RALYL: variants seen among roughly 807,000 people sequenced by gnomAD.
The protein encoded by RALYL is RALY RNA binding protein like.
Under a neutral mutation model 35.1 loss-of-function variants are expected in RALYL, and 29 were observed. The observed-to-expected ratio is 0.83, with a 90% confidence interval of 0.61 to 1.13. The LOEUF (loss-of-function observed/expected upper bound fraction) is 1.13, where lower values mean the gene tolerates loss of function less well. Ranked by LOEUF, RALYL falls within the 50% of genes most tolerant of loss-of-function variation. The pLI is 0.00. For missense variants in RALYL, 359 were observed against 360.4 expected, an observed-to-expected ratio of 1.00 and a Z score of 0.03; for synonymous variants, 120 against 127.6, an observed-to-expected ratio of 0.94 and a Z score of 0.40.
chr8:84,786,488 C>G (rs1020249645), intron 3 of RALYL, among the ~76,000 whole-genome samples: 8 of 152,098 alleles, frequency 5.3e-5, no homozygotes, highest in African/African-American at 1.9e-4. Context: ...TCGCCAGCAT[C>G]TGTTGTTTCT....
chr8:84,427,284 T>A lies in RALYL; in HGVS notation c.-23-102015T>A, dbSNP rs575275243. On this transcript the variant is annotated intron_variant, in intron 1 of 8. Coordinates refer to ENST00000521268, the MANE Select transcript of RALYL (RefSeq NM_173848.7). ...ACTTCCAGCTTCTCCCCTCAGGCCC[T>A]CCAGTCCATTCTCCACACTGCTTCC... Among the ~76,000 whole-genome samples the A allele has an allele frequency of 2.6e-3, 400 of 152,262 alleles. 1 individual carries two copies. The highest frequency in any genetic ancestry group is 4.8e-3 in the Non-Finnish European group (326 of 68,006).
chr8:84,793,483 A>G (rs1563617556), intron 3 of RALYL, among the ~76,000 whole-genome samples: 1 of 152,230 alleles, frequency 6.6e-6, no homozygotes, highest in Non-Finnish European at 1.5e-5. Flanking sequence ...AAGACTTTGA[A>G]TCCATCGGGT....
At chr8:84,582,618 A>T (rs1316703350) in intron 2 of RALYL, among the ~76,000 whole-genome samples, 1 of 152,016 alleles carries the variant, frequency 6.6e-6, no homozygotes, top group Non-Finnish European at 1.5e-5. Context: ...ATCTTCTTAC[A>T]TATGGTTCAC....
chr8:84,291,426 GA>G (rs1411606289), intron 1 of RALYL, among the ~76,000 whole-genome samples: 1 of 152,124 alleles, frequency 6.6e-6, no homozygotes, highest in Non-Finnish European at 1.5e-5. Flanking sequence ...TGGGCATTTA[GA>G]AAATCTTAAA....
chr8:84,418,689 A>G (rs7010781), intron 1 of RALYL, among the ~76,000 whole-genome samples: 56,478 of 152,010 alleles, frequency 0.37, 10,969 homozygotes, highest in South Asian at 0.59. Context: ...TAGAGATTAT[A>G]AACTCCAAAC....
At position 84,601,379 on chromosome 8, in the gene RALYL, C is replaced by G. The variant is rs141972605; in HGVS notation, c.256+71802C>G. Among the ~76,000 whole-genome samples the G allele has an allele frequency of 1.5e-3, 228 of 152,102 alleles. 1 individual carries two copies. The highest frequency in any genetic ancestry group is 5.3e-3 in the African/African-American group (219 of 41,500). On this transcript the variant is annotated intron_variant, in intron 2 of 8. Transcript: ENST00000521268. ...AAGCAAAGACAGAGAAAGAGAAAAT[C>G]AAAAATGTACTTAACAGTGGGGCAG... is the stretch of plus-strand genomic sequence containing the variant.
intron 1 of RALYL, among the ~76,000 whole-genome samples, chr8:84,407,704 T>C (rs2043681497): frequency 6.6e-6 from 1 of 152,110 alleles, no homozygotes; most frequent in African/African-American, 2.4e-5. Flanking sequence ...GAAAAAGAAA[T>C]TATAAATGAA....
At chr8:84,399,099 A>G (rs1407322930) in intron 1 of RALYL, among the ~76,000 whole-genome samples, 1 of 152,190 alleles carries the variant, frequency 6.6e-6, no homozygotes, top group East Asian at 1.9e-4. Context: ...TTATGAAATT[A>G]TGCCCAGGTA....
intron 2 of RALYL, among the ~76,000 whole-genome samples, chr8:84,709,727 T>G (rs761738661): frequency 2.0e-5 from 3 of 152,136 alleles, no homozygotes; most frequent in Non-Finnish European, 4.4e-5. Flanking sequence ...CACTACTTTC[T>G]TCTCTTCCTG....
intron 2 of RALYL, among the ~76,000 whole-genome samples, chr8:84,553,028 T>C (rs2060855141): frequency 6.6e-6 from 1 of 152,170 alleles, no homozygotes; most frequent in African/African-American, 2.4e-5. Context: ...GGAAATCTTA[T>C]GCAATTATAT....
intron 1 of RALYL, among the ~76,000 whole-genome samples, chr8:84,306,799 G>A (rs947131588): frequency 6.6e-6 from 1 of 152,154 alleles, no homozygotes; most frequent in Non-Finnish European, 1.5e-5. Flanking sequence ...TACAAAGGCA[G>A]AATCTTCATC....
intron 2 of RALYL, among the ~76,000 whole-genome samples, chr8:84,767,538 G>A (rs1484458089): frequency 6.6e-6 from 1 of 152,032 alleles, no homozygotes; most frequent in African/African-American, 2.4e-5. Context: ...AGAATGAGAT[G>A]GGTCTATTCT....
intron 2 of RALYL, among the ~76,000 whole-genome samples, chr8:84,638,875 T>A (rs1230971752): frequency 5.2e-5 from 1 of 19,258 alleles, no homozygotes; most frequent in Non-Finnish European, 1.1e-4. Flanking sequence ...CGCATAAATA[T>A]ATATATATAT....
chr8:84,803,333 C>T (rs974591317), intron 3 of RALYL, among the ~76,000 whole-genome samples: 1 of 152,158 alleles, frequency 6.6e-6, no homozygotes, highest in Non-Finnish European at 1.5e-5. Context: ...CTCATTTCTT[C>T]AAGGCAATTT....
chr8:84,438,064 C>T (rs754013539), intron 1 of RALYL, among the ~76,000 whole-genome samples: 2 of 152,132 alleles, frequency 1.3e-5, no homozygotes, highest in Non-Finnish European at 2.9e-5. Context: ...CTTCTCTTGA[C>T]AAGTATCTGT....
At chr8:84,331,274 T>C (rs1241010330) in intron 1 of RALYL, among the ~76,000 whole-genome samples, 1 of 152,034 alleles carries the variant, frequency 6.6e-6, no homozygotes, top group Non-Finnish European at 1.5e-5. Context: ...TTGATAACAA[T>C]TATCTTTGTC....
intron 4 of RALYL, among the ~76,000 whole-genome samples, chr8:84,846,435 C>T (rs1834676982): frequency 6.6e-6 from 1 of 151,976 alleles, no homozygotes; most frequent in African/African-American, 2.4e-5. Context: ...TTGGCTCTCA[C>T]TTTAAATGTT....
At chr8:84,659,693 T>G (rs1021180526) in intron 2 of RALYL, among the ~76,000 whole-genome samples, 1 of 152,178 alleles carries the variant, frequency 6.6e-6, no homozygotes, top group Admixed American at 6.5e-5. Context: ...AAAGGAAATA[T>G]GATCATGTGG....
Position 84,850,006 on chromosome 8 carries a change from A to T in RALYL, c.392A>T (p.Tyr131Phe). 6.7e-7 allele frequency: 1 copy of T among 1,489,662 alleles called. No homozygotes were observed. Among genetic ancestry groups the T allele is most frequent in the Non-Finnish European group, 9.0e-7 (1 of 1,115,904 alleles). 92.3% of individuals were successfully genotyped at this position (1,489,662 alleles called of 1,614,324 possible). A position where few individuals can be genotyped will look rare whatever the true frequency, so the allele number is the denominator to read the frequency against. ...GGTTATGTCTTTGACTATGATTACT[A>T]CAGAGATGATTTCTACAATCGGTAT... ...VGGYVFDYDY[Y>F]RDDFYNRLFD... Residue 131 changes from tyrosine (Y) to phenylalanine (F), a missense_variant, in exon 5 of 9, where the codon TAC becomes TTC. Coordinates refer to ENST00000521268, the MANE Select transcript of RALYL (RefSeq NM_173848.7).
Sources: gnomAD v4.1 joint callset for allele counts (sites outside exome capture counted in the v4.1 genomes callset) on GRCh38, gnomAD v4.1.1 for gene constraint, MANE v1.5 for transcripts, NCBI Gene and HGNC (gene_info 2026-07-23, HGNC 2026-07-21) for gene names.